DOCK2: variants seen among roughly 807,000 people sequenced by gnomAD.
The protein encoded by DOCK2 is dedicator of cytokinesis protein 2.
Under a neutral mutation model 248.9 loss-of-function variants are expected in DOCK2, and 87 were observed. That is an observed-to-expected ratio of 0.35 (90% confidence interval 0.29 to 0.42). The LOEUF (loss-of-function observed/expected upper bound fraction) is 0.42. DOCK2 is among the 10% of genes least tolerant of loss of function. DOCK2 has a pLI of 1.00. For missense variants in DOCK2, 1,747 were observed against 2,300.2 expected (o/e 0.76, Z 4.92); for synonymous variants, 805 against 821.6 (o/e 0.98, Z 0.35).
chr5:170,028,747 ACACACACACACACACACACACGCGTGCG>A (rs1423915937), intron 34 of DOCK2, among the ~76,000 whole-genome samples: 1 of 113,410 alleles, frequency 8.8e-6, no homozygotes, highest in Non-Finnish European at 1.6e-5. Context: ...GCCAACACAC[ACACACACACACACACACACACGCGTGCG>A]CACACACACC....
At chr5:169,778,010 C>T (rs941978651) in intron 25 of DOCK2, among the ~76,000 whole-genome samples, 1 of 152,154 alleles carries the variant, frequency 6.6e-6, no homozygotes, top group Non-Finnish European at 1.5e-5. Context: ...GCACACATTC[C>T]CTCCTGAGGT....
intron 27 of DOCK2, among the ~76,000 whole-genome samples, chr5:169,978,386 T>TGG (rs1561863630): frequency 6.0e-5 from 1 of 16,720 alleles, no homozygotes; most frequent in African/African-American, 2.4e-4. Flanking sequence ...TGTGTGTGTG[T>TGG]GTGTGTGGGG....
chr5:170,000,020 T>C (rs910732771), intron 30 of DOCK2: 2 of 152,210 alleles, frequency 1.3e-5, no homozygotes, highest in African/African-American at 4.8e-5. Flanking sequence ...CTAAGATCAC[T>C]TGCATTCCAG....
chr5:169,974,913 G>A (rs938664458), intron 27 of DOCK2, among the ~76,000 whole-genome samples: 1 of 151,904 alleles, frequency 6.6e-6, no homozygotes, highest in Non-Finnish European at 1.5e-5. Flanking sequence ...TTAAAAACTG[G>A]GGTATCCTGA....
chr5:169,947,934 C>T (rs1210548672), intron 27 of DOCK2, among the ~76,000 whole-genome samples: 1 of 152,164 alleles, frequency 6.6e-6, no homozygotes, highest in Non-Finnish European at 1.5e-5. Context: ...AGTGCCGCTG[C>T]GTTCTGCAAA....
intron 27 of DOCK2, among the ~76,000 whole-genome samples, chr5:169,916,149 C>T (rs935193275): frequency 7.2e-5 from 11 of 152,146 alleles, no homozygotes; most frequent in Non-Finnish European, 1.5e-4. Context: ...TTTACTCTAC[C>T]GGGCAGAAGC....
intron 26 of DOCK2, among the ~76,000 whole-genome samples, chr5:169,820,019 G>A (rs925612269): frequency 2.6e-5 from 4 of 152,176 alleles, no homozygotes; most frequent in South Asian, 2.1e-4. Flanking sequence ...AGCCTCGCTC[G>A]TTGCTAGCAC....
chr5:170,069,071 C>A, intron 45 of DOCK2, 66 bp from the exon 46 acceptor site: 3 of 1,446,442 alleles, frequency 2.1e-6, no homozygotes, highest in Non-Finnish European at 2.9e-6. Flanking sequence ...TCTCCCAGTG[C>A]CAAAGAGATT....
intron 34 of DOCK2, among the ~76,000 whole-genome samples, chr5:170,031,165 T>A (rs564745131): frequency 2.0e-5 from 3 of 152,368 alleles, no homozygotes; most frequent in African/African-American, 7.2e-5. Flanking sequence ...TTCCTGCGAA[T>A]AGTTCTAGAA....
In DOCK2 at chr5:169,949,113, C is replaced by T. The variant is rs377195290; in HGVS notation, c.2800-33955C>T. 1.9e-3 allele frequency among the ~76,000 whole-genome samples: 282 copies of T among 152,256 alleles called. 6 individuals carry two copies. In the South Asian group the frequency reaches 0.049, roughly 26 times the overall value. On this transcript the variant is annotated intron_variant, in intron 27 of 51. Transcript: ENST00000520908. ...GGATAAAAGTGTATAGCCCTGTATTCGAATTTCCTTGGCATCTTTTTGAAT... is the reference window on the plus strand; with the variant it reads ...GGATAAAAGTGTATAGCCCTGTATTTGAATTTCCTTGGCATCTTTTTGAAT...
At chr5:169,994,273 T>C (rs981452442) in intron 29 of DOCK2, among the ~76,000 whole-genome samples, 1 of 152,108 alleles carries the variant, frequency 6.6e-6, no homozygotes, top group Non-Finnish European at 1.5e-5. Flanking sequence ...TGTGAGAGCA[T>C]AGAGGGAGTC....
intron 17 of DOCK2, among the ~76,000 whole-genome samples, chr5:169,712,428 T>G: frequency 6.6e-6 from 1 of 152,234 alleles, no homozygotes; most frequent in East Asian, 1.9e-4. Context: ...GTGAAAATTA[T>G]GAGACAGTGG....
At chr5:169,696,182 C>T (rs751855858) in intron 10 of DOCK2, among the ~76,000 whole-genome samples, 11 of 152,106 alleles carry the variant, frequency 7.2e-5, no homozygotes, top group Admixed American at 3.9e-4. Context: ...ATCGGGAGAC[C>T]GGGGCCGTCT....
intron 26 of DOCK2, among the ~76,000 whole-genome samples, chr5:169,824,638 A>G (rs1414558733): frequency 6.6e-6 from 1 of 152,244 alleles, no homozygotes. Context: ...TGGTTTGAAG[A>G]CTTAAATGTT....
chr5:169,707,513 A>G (rs945810893), intron 14 of DOCK2, among the ~76,000 whole-genome samples: 1 of 152,108 alleles, frequency 6.6e-6, no homozygotes, highest in Non-Finnish European at 1.5e-5. Context: ...CGTGTTCCCT[A>G]ATGTTTCCTG....
intron 27 of DOCK2, among the ~76,000 whole-genome samples, chr5:169,955,544 A>G (rs1776830340): frequency 6.6e-6 from 1 of 152,186 alleles, no homozygotes. Flanking sequence ...TCTCTTGGTC[A>G]TTAGGGCACT....
chr5:169,990,478 C>A (rs1045677983), intron 29 of DOCK2, among the ~76,000 whole-genome samples: 1 of 152,138 alleles, frequency 6.6e-6, no homozygotes, highest in African/African-American at 2.4e-5. Context: ...GATCCCAGAG[C>A]CTGCTGCATC....
At chr5:169,645,321 C>T (rs1324235696) in intron 1 of DOCK2, among the ~76,000 whole-genome samples, 14 of 152,168 alleles carry the variant, frequency 9.2e-5, no homozygotes, top group Admixed American at 5.9e-4. Flanking sequence ...TTTTAGTAAT[C>T]GCCATTCTGA....
At chr5:169,641,464 T>G (rs1032246437) in intron 1 of DOCK2, among the ~76,000 whole-genome samples, 1 of 152,246 alleles carries the variant, frequency 6.6e-6, no homozygotes, top group African/African-American at 2.4e-5. Flanking sequence ...GGGCAATGTG[T>G]GCTGGTGTCA....
Sources: gnomAD v4.1 joint callset for allele counts (sites outside exome capture counted in the v4.1 genomes callset) on GRCh38, gnomAD v4.1.1 for gene constraint, MANE v1.5 for transcripts, NCBI Gene and HGNC (gene_info 2026-07-23, HGNC 2026-07-21) for gene names.